TTC27: variants seen among roughly 807,000 people sequenced by gnomAD.
TTC27 encodes the protein tetratricopeptide repeat protein 27.
TTC27 carries 79 observed loss-of-function variants against 115.9 expected under a neutral mutation model. That is an observed-to-expected ratio of 0.68 (90% CI 0.57 to 0.82). The LOEUF is 0.82. TTC27 is among the 40% of genes least tolerant of loss of function. The pLI is 0.00. For missense variants in TTC27, 1,054 were observed against 993.1 expected, an observed-to-expected ratio of 1.06 and a Z score of -0.82; for synonymous variants, 401 against 356.0, an observed-to-expected ratio of 1.13 and a Z score of -1.42.
Position 32,628,333 on chromosome 2 carries a change from C to A in TTC27, c.41C>A (p.Thr14Asn). 1 of 1,608,022 alleles carries A rather than the reference C, an allele frequency of 6.2e-7. No individual in the cohort carries two copies. Among genetic ancestry groups the A allele is most frequent in the Non-Finnish European group, 8.5e-7 (1 of 1,178,174 alleles). Residue 14 changes from threonine (T) to asparagine (N), a missense_variant, in exon 1 of 20, where the codon ACT becomes AAT. Physicochemically the swap from Thr to Asn is moderately conservative, Grantham distance 65. Coordinates refer to ENST00000317907, the MANE Select transcript of TTC27 (RefSeq NM_017735.5). The part of the protein sequence containing the change: ...PELAILRGFP[T>N]EAERQQWKQE... ...CTGGCAATTCTGAGGGGATTCCCCA[C>A]TGAGGCTGAGCGGCAGCAATGGAAA...
intron 16 of TTC27, among the ~76,000 whole-genome samples, chr2:32,809,173 C>G (rs1480390908): frequency 6.6e-6 from 1 of 152,214 alleles, no homozygotes; most frequent in East Asian, 1.9e-4. Context: ...GCCCCTACTC[C>G]TCAGCCACAT....
intron 15 of TTC27, among the ~76,000 whole-genome samples, chr2:32,783,193 A>C (rs1670239890): frequency 6.6e-6 from 1 of 152,210 alleles, no homozygotes; most frequent in South Asian, 2.1e-4. Flanking sequence ...ATAATCATAC[A>C]TGATACTTGT....
At chr2:32,672,196 A>T in intron 7 of TTC27, 76 bp from the exon 8 acceptor site, 3 of 1,014,796 alleles carry the variant, frequency 3.0e-6, no homozygotes, top group Non-Finnish European at 4.5e-6. Flanking sequence ...CCTTTCTAGC[A>T]ATCTATTACA....
At chr2:32,702,736 T>A in intron 9 of TTC27, 71 bp from the exon 10 acceptor site, 2 of 965,560 alleles carry the variant, frequency 2.1e-6, no homozygotes, top group Non-Finnish European at 3.3e-6. Flanking sequence ...AAGAATTAAT[T>A]TTGTCCTATT....
chr2:32,646,931 G>T (rs1231749488), intron 4 of TTC27, among the ~76,000 whole-genome samples: 4 of 150,138 alleles, frequency 2.7e-5, no homozygotes. Flanking sequence ...TTATAGATCT[G>T]ATTTTTGAGA....
chr2:32,758,293 C>T lies in TTC27; in HGVS notation c.1454C>T (p.Ala485Val), dbSNP rs756589198. ...CYERAGQHGK[A>V]EEILRQELEK... Reference sequence around the variant, plus strand: ...TTTCATTATTTCTGTTGTTTCTAGGCAGAAGAAATCCTTAGACAAGAGCTG... The same window carrying T: ...TTTCATTATTTCTGTTGTTTCTAGGTAGAAGAAATCCTTAGACAAGAGCTG... Residue 485 changes from alanine (A) to valine (V), a missense_variant and splice_region_variant, in exon 13 of 20, where the codon GCA becomes GTA. Physicochemically the swap from Ala to Val is moderately conservative, Grantham distance 64. Transcript: ENST00000317907. 4 of 1,613,562 alleles carry T rather than the reference C, an allele frequency of 2.5e-6. No individual in the cohort carries two copies. The South Asian group carries it at 4.4e-5, about 18-fold the overall frequency.
intron 12 of TTC27, among the ~76,000 whole-genome samples, chr2:32,745,463 C>G (rs1169720418): frequency 1.3e-5 from 2 of 152,094 alleles, no homozygotes; most frequent in Admixed American, 1.3e-4. Context: ...TAGGAACTAC[C>G]TGGACCACAC....
In TTC27 at chr2:32,628,400, G is replaced by A. The variant is rs748734209; in HGVS notation, c.88+20G>A. Reference sequence around the variant, plus strand: ...GTTCAGGTGAGAGGCGCACCTACCGGGCCTTAGGCTATCGTGGGAACTGTG... The same window carrying A: ...GTTCAGGTGAGAGGCGCACCTACCGAGCCTTAGGCTATCGTGGGAACTGTG... On this transcript the variant is annotated intron_variant, in intron 1 of 19. Coordinates refer to ENST00000317907, the MANE Select transcript of TTC27 (RefSeq NM_017735.5). The A allele has an allele frequency of 1.3e-6, 2 of 1,557,278 alleles. No individual in the cohort carries two copies. Among genetic ancestry groups the A allele is most frequent in the Admixed American group, 2.1e-5 (1 of 47,886 alleles).
chr2:32,788,741 C>T (rs1201890919), intron 16 of TTC27, among the ~76,000 whole-genome samples: 2 of 152,296 alleles, frequency 1.3e-5, no homozygotes, highest in Middle Eastern at 3.4e-3. Context: ...TCCTTTCATG[C>T]TTGGCACCAA....
At position 32,704,985 on chromosome 2, in the gene TTC27, AT is replaced by A. The variant is rs1429539064; in HGVS notation, c.1233+2069del. 5.2e-5 allele frequency: 24 copies of A among 463,910 alleles called. No individual in the cohort carries two copies. The Admixed American group carries it at 5.8e-4, about 11-fold the overall frequency. 28.7% of individuals were successfully genotyped at this position (463,910 alleles called of 1,614,324 possible). A position where few individuals can be genotyped will look rare whatever the true frequency, so the allele number is the denominator to read the frequency against. On this transcript the variant is annotated intron_variant, in intron 10 of 19. Transcript: ENST00000317907. The stretch of plus-strand genomic sequence containing the variant: ...TCTTTTCCCATTGTAATTAATAAAC[AT>A]TTTCAGGAAGTGATATGGTTTGAGT...
chr2:32,808,280 C>T (rs182174816), intron 16 of TTC27, among the ~76,000 whole-genome samples: 42 of 152,310 alleles, frequency 2.8e-4, no homozygotes, highest in African/African-American at 9.9e-4. Flanking sequence ...ATTCTATCCT[C>T]AGCCTTATTC....
chr2:32,759,166 A>AT (rs35677641), intron 13 of TTC27, among the ~76,000 whole-genome samples: 2 of 152,142 alleles, frequency 1.3e-5, no homozygotes, highest in African/African-American at 4.8e-5. Context: ...AGAAATGGTC[A>AT]TTTTTTCTAC....
In TTC27 at chr2:32,792,660, GAA is replaced by G. The variant is rs1413230401; in HGVS notation, c.1998+5513_1998+5514del. Among the ~76,000 whole-genome samples, 422 of 152,220 alleles carry G rather than the reference GAA, an allele frequency of 2.8e-3. 2 individuals are homozygous for G. The highest frequency in any genetic ancestry group is 9.6e-3 in the African/African-American group (399 of 41,558). ...GGAGCTAGCCAAGCAGGGGAGGTGG[GAA>G]ATTGCTTCATTCTTGGCCTGGAGCC... On this transcript the variant is annotated intron_variant, in intron 16 of 19. Transcript: ENST00000317907.
chr2:32,663,478 C>T lies in TTC27; in HGVS notation c.641-825C>T, dbSNP rs191589502. ...GTGATCGCCTCGCCCTGCTTTGGCC[C>T]GCCCTCCATGGGCTGCACCCACTGT... is the stretch of plus-strand genomic sequence containing the variant. On this transcript the variant is annotated intron_variant, in intron 5 of 19. Coordinates refer to ENST00000317907, the MANE Select transcript of TTC27 (RefSeq NM_017735.5). 9.5e-4 allele frequency among the ~76,000 whole-genome samples: 145 copies of T among 152,236 alleles called. 2 individuals carry two copies. The highest frequency in any genetic ancestry group is 2.7e-3 in the African/African-American group (111 of 41,544).
intron 16 of TTC27, among the ~76,000 whole-genome samples, chr2:32,804,661 T>G (rs967802354): frequency 2.0e-5 from 3 of 151,952 alleles, no homozygotes; most frequent in African/African-American, 7.2e-5. Context: ...ATAAAAAGAT[T>G]AGAAAGAAAT....
Position 32,723,728 on chromosome 2 carries a change from CTCCTTCCT to C in TTC27, c.1234-10057_1234-10050del, listed in dbSNP as rs3077160. On this transcript the variant is annotated intron_variant, in intron 10 of 19. Transcript: ENST00000317907. ...CCTCCCTCCCTCCCTCCCTCCCTCC[CTCCTTCCT>C]TCCTTCCTTCCTTCCTTCCTTCCTT... 4.0e-3 allele frequency among the ~76,000 whole-genome samples: 119 copies of C among 29,526 alleles called. 2 individuals carry two copies. Among genetic ancestry groups the C allele is most frequent in the South Asian group, 0.014 (7 of 512 alleles). 19.4% of individuals were successfully genotyped at this position (29,526 alleles called of 152,430 possible).
At chr2:32,709,495 A>G (rs1017431150) in intron 10 of TTC27, among the ~76,000 whole-genome samples, 3 of 152,204 alleles carry the variant, frequency 2.0e-5, no homozygotes, top group Admixed American at 6.5e-5. Context: ...TGGGACCCAA[A>G]TCTAAACACA....
chr2:32,798,577 C>T (rs545051522), intron 16 of TTC27, among the ~76,000 whole-genome samples: 204 of 150,574 alleles, frequency 1.4e-3, no homozygotes, highest in South Asian at 5.5e-3. Flanking sequence ...TGGTGGTGGG[C>T]GCCTGTGGTC....
rs34231491 is a variant in TTC27, at chr2:32,758,498, G to A, written c.1659G>A (p.Ser553=). 2,071 of 1,614,084 alleles carry A rather than the reference G, an allele frequency of 1.3e-3. 14 individuals are homozygous for A. In the African/African-American group the frequency reaches 0.019, roughly 15 times the overall value. The change falls in exon 13 of 20, where the codon TCG becomes TCA. Residue 553 remains serine (S), a synonymous_variant. Transcript: ENST00000317907. ...FQECVECFER[S]VKINPMQLGV... The stretch of plus-strand genomic sequence containing the variant: ...AGTGTGTAGAGTGCTTCGAACGCTC[G>A]GTTAAGATTAATCCCATGCAGGTTA...
Sources: gnomAD v4.1 joint callset for allele counts (sites outside exome capture counted in the v4.1 genomes callset) on GRCh38, gnomAD v4.1.1 for gene constraint, MANE v1.5 for transcripts, NCBI Gene and HGNC (gene_info 2026-07-23, HGNC 2026-07-21) for gene names.